Variants in ALDH1A2 observed in about 807,000 individuals in gnomAD.
ALDH1A2 encodes aldehyde dehydrogenase 1 family member A2.
ALDH1A2 carries 27 observed loss-of-function variants against 60.3 expected under a neutral mutation model. The observed-to-expected ratio is 0.45, with a 90% confidence interval of 0.33 to 0.62. The LOEUF is 0.62. Among genes scored for constraint, ALDH1A2 ranks in the 20% least tolerant of loss-of-function variants. ALDH1A2 has a pLI of 0.02. For synonymous variants in ALDH1A2, 289 were observed against 232.4 expected (o/e 1.24, Z -2.21); for missense variants, 581 against 643.8 (o/e 0.90, Z 1.06).
intron 7 of ALDH1A2, among the ~76,000 whole-genome samples, chr15:57,991,124 A>C (rs948116137): frequency 6.6e-6 from 1 of 152,320 alleles, no homozygotes; most frequent in Non-Finnish European, 1.5e-5. Context: ...GTAAGGACTT[A>C]AGAACATTTG....
rs144153114 is a variant in ALDH1A2, at chr15:58,019,059, A to T, written c.118-4778T>A. ...TTTTTATAACTTTTATAATTGTAAG[A>T]TCATTTGGGGAATCTGCATGAAGTG... On this transcript the variant is annotated intron_variant, in intron 1 of 12. Coordinates refer to ENST00000249750, the MANE Select transcript of ALDH1A2 (RefSeq NM_003888.4). 4.5e-4 allele frequency among the ~76,000 whole-genome samples: 68 copies of T among 152,300 alleles called. 1 individual carries two copies. In the East Asian group the frequency reaches 0.012, roughly 27 times the overall value.
chr15:57,975,152 T>G (rs1244606301), intron 7 of ALDH1A2, among the ~76,000 whole-genome samples: 3 of 152,238 alleles, frequency 2.0e-5, no homozygotes, highest in African/African-American at 7.2e-5. Flanking sequence ...GAAAACAGTT[T>G]GGCAGTTTCC....
chr15:57,984,617 G>C (rs373185310), intron 7 of ALDH1A2, among the ~76,000 whole-genome samples: 19 of 152,306 alleles, frequency 1.2e-4, no homozygotes, highest in African/African-American at 3.8e-4. Flanking sequence ...ACATGATACA[G>C]TCTTTTGTAA....
intron 12 of ALDH1A2, among the ~76,000 whole-genome samples, chr15:57,959,539 T>C (rs1395131903): frequency 6.6e-6 from 1 of 152,142 alleles, no homozygotes; most frequent in Non-Finnish European, 1.5e-5. Context: ...ACTAATCTGC[T>C]TGATGAATAA....
rs1893481060 is a variant in ALDH1A2, at chr15:57,955,281, A to C, written c.1485-12T>G. 1 of 1,613,906 alleles carries C rather than the reference A, an allele frequency of 6.2e-7. No homozygotes were observed. The highest frequency in any genetic ancestry group is 8.5e-7 in the Non-Finnish European group (1 of 1,179,986). ...AGCCAAATTCTCCCCTGAAACACAG[A>C]AATGGGCCGGGTCAGATACCAGAAG... On this transcript the variant is annotated splice_polypyrimidine_tract_variant and intron_variant, in intron 12 of 12. Coordinates refer to ENST00000249750, the MANE Select transcript of ALDH1A2 (RefSeq NM_003888.4).
intron 7 of ALDH1A2, chr15:57,980,526 G>A: frequency 3.7e-6 from 1 of 272,178 alleles, no homozygotes; most frequent in South Asian, 5.4e-5. Flanking sequence ...ATGCAGGTGA[G>A]TCCCTTGATC....
rs1893418630 is a variant in ALDH1A2 at position 57,953,573 on chromosome 15, G to C, written c.*1624C>G. ...TATGTCCACTTGGACACATGCTACAGGAGGGCAGCATTCACATGGAAGCAC... is the reference window on the plus strand; with the variant it reads ...TATGTCCACTTGGACACATGCTACACGAGGGCAGCATTCACATGGAAGCAC... On this transcript the variant is annotated 3_prime_UTR_variant, in exon 13 of 13. Coordinates refer to ENST00000249750, the MANE Select transcript of ALDH1A2 (RefSeq NM_003888.4). The C allele has an allele frequency of 6.5e-6, 1 of 152,764 alleles. No individual in the cohort carries two copies. Among genetic ancestry groups the C allele is most frequent in the Non-Finnish European group, 1.5e-5 (1 of 68,046 alleles). 9.5% of individuals were successfully genotyped at this position (152,764 alleles called of 1,614,324 possible).
In ALDH1A2 at chr15:57,992,769, G is replaced by A. The variant is rs781766424; in HGVS notation, c.734C>T (p.Thr245Met). 12 of 1,613,990 alleles carry A rather than the reference G, an allele frequency of 7.4e-6. No homozygotes were observed. The highest frequency in any genetic ancestry group is 2.2e-5 in the South Asian group (2 of 91,084). The change falls in exon 7 of 13, where the codon ACG (threonine) becomes ATG (methionine). Residue 245 changes from threonine to methionine, a missense_variant. Thr to Met is a moderately conservative substitution (Grantham distance 81). Transcript: ENST00000249750. ...GTGAGAAGCTATTGCTGCCCCAGCC[G>A]TTGGCCCATATCCTGGCAAAATATT... ...VINILPGYGP[T>M]AGAAIASHIG... is the part of the protein sequence containing the mutation.
At chr15:58,009,501 A>G (rs34165083) in intron 4 of ALDH1A2, among the ~76,000 whole-genome samples, 11,782 of 151,440 alleles carry the variant, frequency 0.078, 470 homozygotes, top group East Asian at 0.12. Flanking sequence ...TTACTTTCCA[A>G]TCCTGCTACT....
intron 7 of ALDH1A2, among the ~76,000 whole-genome samples, chr15:57,972,594 A>ATAGTT (rs1555399768): frequency 6.6e-6 from 1 of 151,576 alleles, no homozygotes; most frequent in African/African-American, 2.4e-5. Flanking sequence ...TTGACTTAGC[A>ATAGTT]TAGTTAGAGA....
Position 58,016,254 on chromosome 15 carries a change from C to T in ALDH1A2, c.118-1973G>A, listed in dbSNP as rs563449268. On this transcript the variant is annotated intron_variant, in intron 1 of 12. Coordinates refer to ENST00000249750, the MANE Select transcript of ALDH1A2 (RefSeq NM_003888.4). ...GCCGCCCGGGGTTCAAGTGATTCTG[C>T]TGCCTCAGCCTCCCGAGTAGCAGGG... Among the ~76,000 whole-genome samples, 5 of 151,756 alleles carry T rather than the reference C, an allele frequency of 3.3e-5. 1 individual carries two copies. The South Asian group carries it at 6.3e-4, about 19-fold the overall frequency.
chr15:58,010,062 G>A (rs529818512), intron 4 of ALDH1A2, among the ~76,000 whole-genome samples: 2 of 152,110 alleles, frequency 1.3e-5, no homozygotes, highest in Admixed American at 6.5e-5. Flanking sequence ...TTGTATTGTT[G>A]ATTCTGTCAT....
intron 7 of ALDH1A2, among the ~76,000 whole-genome samples, chr15:57,982,082 A>T (rs1429605233): frequency 5.3e-5 from 8 of 152,186 alleles, no homozygotes; most frequent in African/African-American, 1.9e-4. Flanking sequence ...GGGTTAACAG[A>T]TTAGTACCCA....
intron 1 of ALDH1A2, among the ~76,000 whole-genome samples, chr15:58,039,566 C>A (rs1321707341): frequency 6.6e-6 from 1 of 151,764 alleles, no homozygotes; most frequent in African/African-American, 2.4e-5. Context: ...CAATGTAATT[C>A]AGCATTAAGC....
intron 1 of ALDH1A2, among the ~76,000 whole-genome samples, chr15:58,064,674 C>T (rs1897126647): frequency 6.6e-6 from 1 of 152,184 alleles, no homozygotes; most frequent in South Asian, 2.1e-4. Flanking sequence ...ATCTCTCTCT[C>T]ACCACCTCCC....
chr15:57,967,485 G>A (rs1042213686), intron 7 of ALDH1A2, among the ~76,000 whole-genome samples: 4 of 152,142 alleles, frequency 2.6e-5, no homozygotes, highest in Middle Eastern at 3.4e-3. Context: ...CAGGTCTCCC[G>A]TAGATCTCCC....
At chr15:58,044,736 TCCAA>T (rs1305755565) in intron 1 of ALDH1A2, among the ~76,000 whole-genome samples, 1 of 151,964 alleles carries the variant, frequency 6.6e-6, no homozygotes, top group Non-Finnish European at 1.5e-5. Context: ...TTTGTGCTCT[TCCAA>T]CCAACAGGAC....
At chr15:58,004,809 C>G (rs1192555836) in intron 4 of ALDH1A2, among the ~76,000 whole-genome samples, 1 of 148,086 alleles carries the variant, frequency 6.8e-6, no homozygotes, top group African/African-American at 2.5e-5. Flanking sequence ...CTCCAAAATA[C>G]CTAACAATAT....
chr15:58,035,981 T>C (rs964611096), intron 1 of ALDH1A2, among the ~76,000 whole-genome samples: 1 of 151,680 alleles, frequency 6.6e-6, no homozygotes, highest in African/African-American at 2.4e-5. Flanking sequence ...TCCCTATCAA[T>C]TTCCAGATCA....
Sources: gnomAD v4.1 joint callset for allele counts (sites outside exome capture counted in the v4.1 genomes callset) on GRCh38, gnomAD v4.1.1 for gene constraint, MANE v1.5 for transcripts, NCBI Gene and HGNC (gene_info 2026-07-23, HGNC 2026-07-21) for gene names.